The following NXPE1 variants were observed in gnomAD, a reference collection of about 807,000 sequenced individuals.
NXPE1 encodes the protein NXPE family member 1.
NXPE1 carries 31 observed loss-of-function variants against 33.3 expected under a neutral mutation model. The observed-to-expected ratio is 0.93, with a 90% confidence interval of 0.70 to 1.26. The LOEUF (loss-of-function observed/expected upper bound fraction) is 1.26, where lower values mean the gene tolerates loss of function less well. NXPE1 is among the 50% of genes most tolerant of loss of function. The probability of loss-of-function intolerance (pLI) is 0.00; values close to 1 mark genes in which losing one functional copy is unlikely to be tolerated. For missense variants in NXPE1, 661 were observed against 655.6 expected, an observed-to-expected ratio of 1.01 and a Z score of -0.09; for synonymous variants, 229 against 231.4, an observed-to-expected ratio of 0.99 and a Z score of 0.09.
chr11:114,521,855 A>T, exon 9 of NXPE1: 1 of 824,138 alleles, frequency 1.2e-6, no homozygotes. Flanking sequence ...CCCCAAACAG[A>T]TTCTTTTAAA....
chr11:114,545,546 G>T (rs1159757507), intron 5 of NXPE1, among the ~76,000 whole-genome samples: 4 of 152,180 alleles, frequency 2.6e-5, no homozygotes. Context: ...CCAATCAATG[G>T]TTGCCAGAGA....
chr11:114,528,813 A>G (rs1464392340), intron 6 of NXPE1: 2 of 680,322 alleles, frequency 2.9e-6, no homozygotes, highest in Non-Finnish European at 5.4e-6. Context: ...CCTGCTATAG[A>G]TGTCTCTCCA....
At chr11:114,547,203 C>T (rs970511397) in intron 5 of NXPE1, among the ~76,000 whole-genome samples, 1 of 152,098 alleles carries the variant, frequency 6.6e-6, no homozygotes, top group Non-Finnish European at 1.5e-5. Context: ...GCCAGGTGAT[C>T]AAGATTAACA....
chr11:114,530,259 A>T lies in NXPE1; in HGVS notation c.749T>A (p.Met250Lys), dbSNP rs778571521. ...CATGTAGGTCAGAGCCTCACAGGGC[A>T]TGTGTTGAGGCTTCATACAATAGAA... The change falls in exon 6 of 9, where the codon ATG becomes AAG. Residue 250 changes from methionine to lysine, a missense_variant. Coordinates refer to ENST00000534921, the Ensembl canonical transcript of NXPE1. The T allele has an allele frequency of 3.1e-6, 5 of 1,613,874 alleles. No individual in the cohort carries two copies. In the Admixed American group the frequency reaches 8.3e-5, roughly 27 times the overall value.
intron 5 of NXPE1, among the ~76,000 whole-genome samples, chr11:114,539,215 T>C (rs1202470237): frequency 6.9e-6 from 1 of 145,668 alleles, no homozygotes; most frequent in Non-Finnish European, 1.5e-5. Context: ...TTCTCACTCA[T>C]AGGTGGGAAT....
At chr11:114,544,832 G>T (rs1163648503) in intron 5 of NXPE1, among the ~76,000 whole-genome samples, 4 of 151,994 alleles carry the variant, frequency 2.6e-5, no homozygotes, top group Non-Finnish European at 4.4e-5. Flanking sequence ...TCAGGTAAAG[G>T]ACTTCATCTA....
intron 5 of NXPE1, among the ~76,000 whole-genome samples, chr11:114,542,164 T>C (rs1175221745): frequency 6.6e-6 from 1 of 152,236 alleles, no homozygotes; most frequent in Non-Finnish European, 1.5e-5. Flanking sequence ...TCCTTATTTA[T>C]GTCTTTTCTT....
At chr11:114,535,911 T>G (rs113876200) in intron 5 of NXPE1, among the ~76,000 whole-genome samples, 2 of 151,442 alleles carry the variant, frequency 1.3e-5, no homozygotes, top group African/African-American at 2.4e-5. Context: ...GGAATTGAAC[T>G]CAGCTCTGCA....
chr11:114,557,314 C>T (rs1303175226), intron 1 of NXPE1, among the ~76,000 whole-genome samples: 1 of 152,032 alleles, frequency 6.6e-6, no homozygotes, highest in Non-Finnish European at 1.5e-5. Flanking sequence ...TTTCAATATG[C>T]ATCTTTGACT....
chr11:114,525,771 T>C (rs1460374101), intron 7 of NXPE1, among the ~76,000 whole-genome samples: 1 of 152,176 alleles, frequency 6.6e-6, no homozygotes, highest in Non-Finnish European at 1.5e-5. Context: ...CACCATTTAG[T>C]GAAGTGTATA....
intron 5 of NXPE1, among the ~76,000 whole-genome samples, chr11:114,534,721 G>A (rs1947730932): frequency 6.6e-6 from 1 of 152,184 alleles, no homozygotes; most frequent in East Asian, 1.9e-4. Flanking sequence ...GAAGCATGAA[G>A]AGAAGTTTGG....
At chr11:114,546,755 G>T (rs866749931) in intron 5 of NXPE1, among the ~76,000 whole-genome samples, 2 of 152,122 alleles carry the variant, frequency 1.3e-5, no homozygotes, top group South Asian at 4.1e-4. Context: ...TAGGGCTGGG[G>T]CAGGGAATAT....
intron 5 of NXPE1, among the ~76,000 whole-genome samples, chr11:114,541,219 C>T (rs1453320086): frequency 3.3e-5 from 5 of 152,070 alleles, no homozygotes; most frequent in African/African-American, 1.2e-4. Context: ...ATAACAGTCA[C>T]AATTCAAAAT....
At chr11:114,554,450 A>ATCAG in intron 1 of NXPE1, 3 of 877,522 alleles carry the variant, frequency 3.4e-6, no homozygotes, top group Non-Finnish European at 4.1e-6. Context: ...CCCTTTGATA[A>ATCAG]TCAGTCCTAT....
At chr11:114,559,449 C>T (rs1369321234) in intron 1 of NXPE1, among the ~76,000 whole-genome samples, 1 of 152,186 alleles carries the variant, frequency 6.6e-6, no homozygotes. Flanking sequence ...CCTTCTTCCT[C>T]TCTCCAACTA....
chr11:114,522,546 T>C (rs533787832), intron 8 of NXPE1, 43 bp from the exon 9 acceptor site: 1 of 1,447,238 alleles, frequency 6.9e-7, no homozygotes, highest in Non-Finnish European at 9.3e-7. Flanking sequence ...AAGATAATGG[T>C]TAATATTCAT....
chr11:114,532,747 G>A (rs776464161), intron 5 of NXPE1, among the ~76,000 whole-genome samples: 5 of 152,070 alleles, frequency 3.3e-5, no homozygotes, highest in African/African-American at 1.2e-4. Context: ...ACATATAAAA[G>A]TATATAGGTA....
intron 5 of NXPE1, among the ~76,000 whole-genome samples, chr11:114,531,439 T>G (rs1384341849): frequency 6.6e-6 from 1 of 152,210 alleles, no homozygotes; most frequent in Non-Finnish European, 1.5e-5. Context: ...ATGACTGTCT[T>G]CAGGCTTCAA....
chr11:114,523,569 A>G (rs1335351634), intron 7 of NXPE1, among the ~76,000 whole-genome samples: 19 of 152,208 alleles, frequency 1.2e-4, no homozygotes, highest in Non-Finnish European at 1.5e-5. Context: ...CAAATAGTAT[A>G]ATAGTCACCT....
Sources: allele counts gnomAD v4.1 joint callset (sites outside exome capture counted in the v4.1 genomes callset), GRCh38; gene constraint gnomAD v4.1.1; transcripts MANE v1.5; gene names NCBI Gene and HGNC (gene_info 2026-07-23, HGNC 2026-07-21).